Variants in GDA observed in about 807,000 individuals in gnomAD.
GDA encodes guanine deaminase.
Under a neutral mutation model 59.6 loss-of-function variants are expected in GDA, and 18 were observed. The observed-to-expected ratio is 0.30, with a 90% CI of 0.21 to 0.45. The LOEUF (loss-of-function observed/expected upper bound fraction) is 0.45, where lower values mean the gene tolerates loss of function less well. GDA is among the 20% of genes least tolerant of loss of function. The probability of loss-of-function intolerance (pLI) is 1.00; values close to 1 mark genes in which losing one functional copy is unlikely to be tolerated. For synonymous variants in GDA, 201 were observed against 201.1 expected (o/e 1.00, Z 0.00); for missense variants, 427 against 552.3 (o/e 0.77, Z 2.27).
chr9:72,175,140 A>G (rs999735221), intron 1 of GDA, among the ~76,000 whole-genome samples: 1 of 152,130 alleles, frequency 6.6e-6, no homozygotes, highest in African/African-American at 2.4e-5. Flanking sequence ...CCTAAATGCA[A>G]TGGGAAACCA....
intron 6 of GDA, among the ~76,000 whole-genome samples, chr9:72,220,308 G>T (rs1836707181): frequency 6.6e-6 from 1 of 152,122 alleles, no homozygotes; most frequent in Non-Finnish European, 1.5e-5. Context: ...TCTGTGTTTT[G>T]TTTTAAATAC....
At chr9:72,120,596 A>G (rs900277145) in intron 1 of GDA, among the ~76,000 whole-genome samples, 2 of 152,216 alleles carry the variant, frequency 1.3e-5, no homozygotes, top group African/African-American at 4.8e-5. Context: ...TTCTTTGGTC[A>G]ATCCATATCA....
intron 1 of GDA, among the ~76,000 whole-genome samples, chr9:72,189,439 A>G (rs1832266452): frequency 6.6e-6 from 1 of 151,800 alleles, no homozygotes; most frequent in Non-Finnish European, 1.5e-5. Flanking sequence ...CAGCCTCCCA[A>G]AGTGCTGGGA....
downstream of GDA, chr9:72,257,609 G>A (rs1468987819): frequency 6.6e-6 from 1 of 152,110 alleles, no homozygotes; most frequent in East Asian, 1.9e-4. Context: ...AGCCTCTGCT[G>A]ACAGTTCTCT....
chr9:72,182,658 G>A lies in GDA; in HGVS notation c.124-12842G>A, dbSNP rs550988421. Among the ~76,000 whole-genome samples the A allele has an allele frequency of 1.2e-4, 18 of 152,242 alleles. No individual in the cohort carries two copies. In the East Asian group the frequency reaches 3.5e-3, roughly 29 times the overall value. On this transcript the variant is annotated intron_variant, in intron 1 of 13. Coordinates refer to ENST00000358399, the MANE Select transcript of GDA (RefSeq NM_004293.5). ...ACTTTGATAATTATATAAATATCCT[G>A]TTTCTCAACAAATTTTCACCCACTA...
At chr9:72,155,731 G>C (rs1011183024) in intron 1 of GDA, among the ~76,000 whole-genome samples, 2 of 152,344 alleles carry the variant, frequency 1.3e-5, no homozygotes, top group Admixed American at 1.3e-4. Context: ...AAGGAGGTCA[G>C]ATAGGAGCCT....
At chr9:72,205,443 A>G (rs1431861740) in intron 3 of GDA, among the ~76,000 whole-genome samples, 1 of 152,088 alleles carries the variant, frequency 6.6e-6, no homozygotes, top group African/African-American at 2.4e-5. Flanking sequence ...GGAAAGAAAA[A>G]CTTCACACAA....
chr9:72,185,574 A>G (rs1269765383), intron 1 of GDA, among the ~76,000 whole-genome samples: 1 of 152,138 alleles, frequency 6.6e-6, no homozygotes, highest in Admixed American at 6.6e-5. Context: ...AAACTTCAAG[A>G]AATTTTGAGA....
chr9:72,253,296 G>A (rs1411306630), downstream of GDA: 1 of 152,158 alleles, frequency 6.6e-6, no homozygotes, highest in African/African-American at 2.4e-5. Context: ...AGGAGGAACT[G>A]GCCAGATCAA....
chr9:72,213,525 C>T (rs7862293), intron 4 of GDA, among the ~76,000 whole-genome samples: 111,880 of 151,824 alleles, frequency 0.74, 41,354 homozygotes, highest in Admixed American at 0.81. Context: ...CTGTTTTGGC[C>T]GGGCGCGGTG....
At chr9:72,216,953 G>A (rs1836213428) in intron 5 of GDA, among the ~76,000 whole-genome samples, 1 of 152,192 alleles carries the variant, frequency 6.6e-6, no homozygotes, top group Admixed American at 6.5e-5. Flanking sequence ...GGGATTACAG[G>A]TGTGAGCCAC....
upstream of GDA, among the ~76,000 whole-genome samples, chr9:72,145,305 T>C (rs556926958): frequency 6.6e-6 from 1 of 152,274 alleles, no homozygotes; most frequent in East Asian, 1.9e-4. Flanking sequence ...CAAAACTGAA[T>C]GAACAATTCC....
At chr9:72,192,274 C>T in intron 1 of GDA, among the ~76,000 whole-genome samples, 1 of 110,108 alleles carries the variant, frequency 9.1e-6, no homozygotes, top group Non-Finnish European at 1.7e-5. Flanking sequence ...CACTCTGTTG[C>T]CCAGGCTGGA....
chr9:72,166,767 C>A (rs1437129122), intron 1 of GDA, among the ~76,000 whole-genome samples: 1 of 151,856 alleles, frequency 6.6e-6, no homozygotes, highest in Non-Finnish European at 1.5e-5. Flanking sequence ...CTCTTAATGC[C>A]CTTACTCTCT....
At chr9:72,218,877 G>A (rs1374994841) in intron 5 of GDA, among the ~76,000 whole-genome samples, 2 of 152,218 alleles carry the variant, frequency 1.3e-5, no homozygotes, top group Non-Finnish European at 2.9e-5. Context: ...GCTTGAGCTA[G>A]TAGAACAGCT....
intron 9 of GDA, among the ~76,000 whole-genome samples, chr9:72,230,503 T>C (rs201270360): frequency 7.3e-6 from 1 of 136,776 alleles, no homozygotes; most frequent in Non-Finnish European, 1.6e-5. Flanking sequence ...AAAAAAAAAA[T>C]ATATATATAT....
chr9:72,228,172 A>T (rs1453703046), intron 9 of GDA, 132 bp downstream of exon 9: 1 of 650,200 alleles, frequency 1.5e-6, no homozygotes, highest in Non-Finnish European at 2.8e-6. Context: ...CCAGATAGAT[A>T]GACATTTACT....
intron 1 of GDA, among the ~76,000 whole-genome samples, chr9:72,169,039 G>A (rs2130928224): frequency 6.6e-6 from 1 of 152,304 alleles, no homozygotes; most frequent in East Asian, 1.9e-4. Flanking sequence ...TTGGCTTTTT[G>A]TCTTGCCACG....
In GDA at chr9:72,237,677, A is replaced by C. The variant is rs559321431; in HGVS notation, c.989-3475A>C. ...TCTCCCTTCTCTTAGACCCCTCCTG[A>C]AGGAACCCCCGAACTTCATTCTATC... On this transcript the variant is annotated intron_variant, in intron 10 of 13. Coordinates refer to ENST00000358399, the MANE Select transcript of GDA (RefSeq NM_004293.5). 3.9e-5 allele frequency among the ~76,000 whole-genome samples: 6 copies of C among 152,266 alleles called. No individual in the cohort carries two copies. In the South Asian group the frequency reaches 1.2e-3, roughly 32 times the overall value.
Sources: gnomAD v4.1 joint callset for allele counts (sites outside exome capture counted in the v4.1 genomes callset) on GRCh38, gnomAD v4.1.1 for gene constraint, MANE v1.5 for transcripts, NCBI Gene and HGNC (gene_info 2026-07-23, HGNC 2026-07-21) for gene names.